Variants in AVEN observed in about 807,000 individuals in gnomAD.
AVEN encodes cell death regulator Aven.
A neutral mutation model predicts 38.1 loss-of-function variants in AVEN; 41 were observed. The observed-to-expected ratio is 1.08, with a 90% confidence interval of 0.84 to 1.40. The LOEUF is 1.40. AVEN is among the 40% of genes most tolerant of loss of function. AVEN has a pLI of 0.00. For missense variants in AVEN, 605 were observed against 438.8 expected (o/e 1.38, Z -3.38); for synonymous variants, 206 against 171.8 (o/e 1.20, Z -1.56).
At chr15:34,009,585 A>G (rs1897548781) in intron 1 of AVEN, among the ~76,000 whole-genome samples, 1 of 152,222 alleles carries the variant, frequency 6.6e-6, no homozygotes, top group Admixed American at 6.5e-5. Flanking sequence ...TGCAAACACT[A>G]AAGAGCTAGC....
chr15:33,857,602 G>T (rs2079828466), downstream of AVEN, among the ~76,000 whole-genome samples: 1 of 152,044 alleles, frequency 6.6e-6, no homozygotes, highest in African/African-American at 2.4e-5. Context: ...TACCTGTGGT[G>T]CCATCTTTCC....
intron 2 of AVEN, among the ~76,000 whole-genome samples, chr15:33,910,052 C>T (rs369638306): frequency 7.9e-5 from 12 of 151,352 alleles, no homozygotes; most frequent in Admixed American, 5.3e-4. Flanking sequence ...CACTTGAACC[C>T]GGGAGGTGGA....
chr15:34,031,457 G>C (rs1898817979), intron 1 of AVEN, among the ~76,000 whole-genome samples: 1 of 152,124 alleles, frequency 6.6e-6, no homozygotes, highest in Non-Finnish European at 1.5e-5. Flanking sequence ...TTACGGGCAT[G>C]AGCCACCATG....
At chr15:33,891,682 A>AT (rs1891976273) in intron 2 of AVEN, among the ~76,000 whole-genome samples, 1 of 152,210 alleles carries the variant, frequency 6.6e-6, no homozygotes, top group Non-Finnish European at 1.5e-5. Flanking sequence ...CAGTGCCACA[A>AT]TAAAAATAGG....
chr15:34,032,260 G>T (rs956675612), intron 1 of AVEN, among the ~76,000 whole-genome samples: 4 of 152,132 alleles, frequency 2.6e-5, no homozygotes, highest in Non-Finnish European at 2.9e-5. Context: ...TCATGCTATG[G>T]TGTGGTTAGG....
intron 1 of AVEN, among the ~76,000 whole-genome samples, chr15:34,023,705 G>A (rs572363056): frequency 6.6e-6 from 1 of 152,138 alleles, no homozygotes; most frequent in African/African-American, 2.4e-5. Context: ...CTTCAATCAC[G>A]CCAGGCTTAA....
chr15:33,928,045 T>G (rs749581825), intron 2 of AVEN, among the ~76,000 whole-genome samples: 3 of 152,312 alleles, frequency 2.0e-5, no homozygotes, highest in African/African-American at 7.2e-5. Context: ...AGGTTTGGAA[T>G]GTATAAAGAA....
intron 5 of AVEN, among the ~76,000 whole-genome samples, chr15:34,044,835 G>A (rs984637088): frequency 3.3e-5 from 5 of 152,190 alleles, no homozygotes; most frequent in Admixed American, 2.0e-4. Flanking sequence ...AGGATCATGA[G>A]GTCAGGAGAT....
chr15:33,906,294 A>G (rs1892697377), intron 2 of AVEN, among the ~76,000 whole-genome samples: 1 of 152,192 alleles, frequency 6.6e-6, no homozygotes, highest in Admixed American at 6.5e-5. Flanking sequence ...TACACAAGAT[A>G]CTAGAGGGGC....
intron 2 of AVEN, among the ~76,000 whole-genome samples, chr15:33,936,800 A>G (rs1322733847): frequency 1.3e-5 from 2 of 152,234 alleles, no homozygotes; most frequent in Non-Finnish European, 2.9e-5. Flanking sequence ...AGACCGTACT[A>G]TTGGTAGAAT....
At chr15:33,978,174 T>A (rs956475206) in intron 2 of AVEN, among the ~76,000 whole-genome samples, 13 of 151,954 alleles carry the variant, frequency 8.6e-5, no homozygotes, top group African/African-American at 2.9e-4. Flanking sequence ...AGAGGAAATT[T>A]CTCTCTAGGC....
At chr15:33,936,210 T>G (rs1323339734) in intron 2 of AVEN, among the ~76,000 whole-genome samples, 1 of 150,026 alleles carries the variant, frequency 6.7e-6, no homozygotes, top group East Asian at 1.9e-4. Flanking sequence ...AAGAAAAAGA[T>G]CAGTAGTAGA....
At position 33,943,043 on chromosome 15, in the gene AVEN, C is replaced by T. The variant is rs73379588; in HGVS notation, c.445+59989G>A. On this transcript the variant is annotated intron_variant, in intron 2 of 5. Transcript: ENST00000306730. The stretch of plus-strand genomic sequence containing the variant: ...AAAATGGTGCAACTGCTATAGAAAA[C>T]AGTAAGGAAGTTCCTCAAGAAATCC... 5.7e-3 allele frequency among the ~76,000 whole-genome samples: 865 copies of T among 152,264 alleles called. 14 individuals carry two copies. The highest frequency in any genetic ancestry group is 0.02 in the African/African-American group (835 of 41,546).
chr15:33,862,262 G>A (rs12148517), downstream of AVEN, among the ~76,000 whole-genome samples: 1 of 151,994 alleles, frequency 6.6e-6, no homozygotes, highest in African/African-American at 2.4e-5. Context: ...GCCCAGGCTC[G>A]AGTGCAGTGG....
At chr15:34,026,454 T>C (rs142631596) in intron 1 of AVEN, among the ~76,000 whole-genome samples, 8 of 152,292 alleles carry the variant, frequency 5.3e-5, no homozygotes, top group Admixed American at 2.6e-4. Context: ...GGGAGATATG[T>C]TGAGAAAGGT....
At chr15:34,050,667 C>T (rs2140825613) in intron 5 of AVEN, among the ~76,000 whole-genome samples, 1 of 152,130 alleles carries the variant, frequency 6.6e-6, no homozygotes, top group Middle Eastern at 3.4e-3. Flanking sequence ...ATTTACCAAA[C>T]AAATGGAAAA....
chr15:33,864,174 A>T, downstream of AVEN: 1 of 1,612,030 alleles, frequency 6.2e-7, no homozygotes, highest in Non-Finnish European at 8.5e-7. Context: ...AAGATGAAAC[A>T]GAGCACACGG....
At chr15:33,864,090 A>C, downstream of AVEN, 1 of 1,417,642 alleles carries the variant, frequency 7.1e-7, no homozygotes. Flanking sequence ...ATGCGAATGA[A>C]CTTGGGTCTT....
chr15:33,864,809 T>C, downstream of AVEN: 1 of 261,038 alleles, frequency 3.8e-6, no homozygotes, highest in Non-Finnish European at 7.3e-6. Context: ...CAAGCATTCC[T>C]CCGTCTTCCA....
Sources: gnomAD v4.1 joint callset for allele counts (sites outside exome capture counted in the v4.1 genomes callset) on GRCh38, gnomAD v4.1.1 for gene constraint, MANE v1.5 for transcripts, NCBI Gene and HGNC (gene_info 2026-07-23, HGNC 2026-07-21) for gene names.